Variants in LYST observed in about 807,000 individuals in gnomAD.
LYST encodes the protein lysosomal trafficking regulator.
LYST carries 192 observed loss-of-function variants against 413.6 expected under a neutral mutation model. That is an observed-to-expected ratio of 0.46 (90% CI 0.41 to 0.52). The LOEUF (loss-of-function observed/expected upper bound fraction) is 0.52. LYST is among the 20% of genes least tolerant of loss of function. The pLI is 0.00. For synonymous variants in LYST, 1,525 were observed against 1,567.3 expected, an observed-to-expected ratio of 0.97 and a Z score of 0.64; for missense variants, 3,815 against 4,499.9, an observed-to-expected ratio of 0.85 and a Z score of 4.35.
rs775018930 is a variant in LYST at position 235,762,843 on chromosome 1, T to A, written c.6130A>T (p.Ile2044Phe). The change falls in exon 22 of 53, where the codon ATC becomes TTC. Residue 2044 changes from isoleucine to phenylalanine, a missense_variant. Physicochemically the swap from Ile to Phe is conservative, Grantham distance 21 (BLOSUM62 0). This residue lies in a region of LYST where 530 missense variants were observed against 696.5 expected (regional missense o/e 0.76). Transcript: ENST00000389793. Reference sequence around the variant, plus strand: ...ATTGACCGCACTTTCTCCTGAAAGATCTTGCCATCTAGAATCCAAATTTTT... The same window carrying A: ...ATTGACCGCACTTTCTCCTGAAAGAACTTGCCATCTAGAATCCAAATTTTT... ...FYFSLHIDGK[I>F]FQEKVRSIMY... The A allele has an allele frequency of 1.2e-6, 2 of 1,613,396 alleles. No homozygotes were observed. The highest frequency in any genetic ancestry group is 1.7e-6 in the Non-Finnish European group (2 of 1,179,568).
chr1:235,809,997 G>A lies in LYST; in HGVS notation c.821C>T (p.Thr274Ile). Residue 274 changes from threonine to isoleucine, a missense_variant, in exon 5 of 53, where the codon ACC becomes ATC. This residue lies in a region of LYST where 1,648 missense variants were observed against 1,810.3 expected (regional missense o/e 0.91). Coordinates refer to ENST00000389793, the MANE Select transcript of LYST (RefSeq NM_000081.4). This position sits in a 1 kb window ranked among gnomAD's most constrained non-coding sequence, Gnocchi z 4.0. Reference sequence around the variant, plus strand: ...TGCTAAAGGAGAATTATGATTCAAGGTAACGTCAAACTTACAAACTTTTTC... The same window carrying A: ...TGCTAAAGGAGAATTATGATTCAAGATAACGTCAAACTTACAAACTTTTTC... ...LLEKVCKFDV[T>I]LNHNSPLAAS... 6.2e-7 allele frequency: 1 copy of A among 1,613,824 alleles called. No individual in the cohort carries two copies. Among genetic ancestry groups the A allele is most frequent in the East Asian group, 2.2e-5 (1 of 44,826 alleles).
intron 31 of LYST, among the ~76,000 whole-genome samples, chr1:235,739,240 G>A (rs1665114191): frequency 6.6e-6 from 1 of 152,194 alleles, no homozygotes; most frequent in South Asian, 2.1e-4. Flanking sequence ...TACTAATCTT[G>A]TGTAGTCCTA....
chr1:235,720,992 A>G (rs1379958807), intron 39 of LYST, 87 bp from the exon 40 acceptor site: 2 of 1,341,968 alleles, frequency 1.5e-6, no homozygotes, highest in Non-Finnish European at 2.1e-6. Context: ...CATTATAGAC[A>G]TGTTACAAAT....
chr1:235,758,332 G>A (rs989692354), intron 23 of LYST, among the ~76,000 whole-genome samples: 6 of 152,152 alleles, frequency 3.9e-5, no homozygotes, highest in African/African-American at 7.2e-5. Context: ...GAAATACAAC[G>A]CCTAGGCAAT....
chr1:235,724,100 T>C lies in LYST; in HGVS notation c.9243A>G (p.Gln3081=). The part of the protein sequence containing the change: ...EIKEVHKRWW[Q]LRDNAVEIFL... ...AGATTTCTACAGCATTATCTCTCAA[T>C]TGCCACCAACGCTTGTGAACTTCTT... The change falls in exon 39 of 53, where the codon CAA becomes CAG. Residue 3081 remains glutamine, a synonymous_variant. Transcript: ENST00000389793. 6.2e-7 allele frequency: 1 copy of C among 1,613,430 alleles called. No individual in the cohort carries two copies. The highest frequency in any genetic ancestry group is 8.5e-7 in the Non-Finnish European group (1 of 1,179,396).
At chr1:235,882,533 C>T (rs1173528871) in intron 1 of LYST, among the ~76,000 whole-genome samples, 4 of 152,166 alleles carry the variant, frequency 2.6e-5, no homozygotes, top group African/African-American at 9.6e-5. Flanking sequence ...GAGGCAGAGA[C>T]AATGGTGAGG....
chr1:235,746,299 A>C, intron 29 of LYST, 37 bp downstream of exon 29: 1 of 1,579,814 alleles, frequency 6.3e-7, no homozygotes, highest in Non-Finnish European at 8.7e-7. Context: ...TTTCATTTTA[A>C]AATCTGAGGA....
At chr1:235,764,111 AC>A (rs1318089826) in intron 21 of LYST, among the ~76,000 whole-genome samples, 1 of 152,094 alleles carries the variant, frequency 6.6e-6, no homozygotes, top group African/African-American at 2.4e-5. Flanking sequence ...TGTTTCCTTT[AC>A]CTGGAAGGCC....
chr1:235,730,217 TAAC>T (rs1476901346), intron 36 of LYST, among the ~76,000 whole-genome samples: 3 of 152,110 alleles, frequency 2.0e-5, no homozygotes, highest in Non-Finnish European at 2.9e-5. Flanking sequence ...ATGGGTATAA[TAAC>T]AACCACAATA....
intron 43 of LYST, among the ~76,000 whole-genome samples, chr1:235,710,772 G>C (rs1319651009): frequency 6.6e-6 from 1 of 152,218 alleles, no homozygotes; most frequent in African/African-American, 2.4e-5. Context: ...CTAAGAACAG[G>C]CTGGAAAAGG....
At chr1:235,789,803 A>G (rs1218969249) in intron 12 of LYST, among the ~76,000 whole-genome samples, 1 of 152,208 alleles carries the variant, frequency 6.6e-6, no homozygotes, top group Non-Finnish European at 1.5e-5. Flanking sequence ...AAAATGTTCC[A>G]TACCAAATAT....
chr1:235,762,962 G>T, intron 21 of LYST, 111 bp from the exon 22 acceptor site: 1 of 806,738 alleles, frequency 1.2e-6, no homozygotes, highest in South Asian at 1.5e-5. Context: ...GATGTTTAAA[G>T]AGAAAAATAT....
chr1:235,871,546 G>C (rs1371632712), upstream of LYST, among the ~76,000 whole-genome samples: 1 of 152,176 alleles, frequency 6.6e-6, no homozygotes, highest in Non-Finnish European at 1.5e-5. Context: ...ATTAATTCTT[G>C]CTGAAATCAA....
rs768598173 is a variant in LYST at position 235,805,843 on chromosome 1, G to C, written c.3293C>G (p.Thr1098Ser). 2 of 1,613,132 alleles carry C rather than the reference G, an allele frequency of 1.2e-6. No homozygotes were observed. The highest frequency in any genetic ancestry group is 3.3e-5 in the Admixed American group (2 of 59,946). ...CAAAAGTCGTATACTTTGAAGTGAG[G>C]TCTCACTTTCTTGACTTGTAAATAG... ...AKLFTSQESE[T>S]SLQSIRLLEA... The change falls in exon 6 of 53, where the codon ACC becomes AGC. Residue 1098 changes from threonine (T) to serine (S), a missense_variant. Transcript: ENST00000389793.
intron 22 of LYST, among the ~76,000 whole-genome samples, chr1:235,762,339 G>T (rs539021858): frequency 6.6e-6 from 1 of 152,296 alleles, no homozygotes; most frequent in South Asian, 2.1e-4. Flanking sequence ...ACAAAGTAGA[G>T]AAAAGGTACC....
intron 1 of LYST, among the ~76,000 whole-genome samples, chr1:235,857,784 C>CATATATAT (rs71583794): frequency 8.3e-4 from 101 of 122,130 alleles, no homozygotes; most frequent in African/African-American, 3.2e-3. Context: ...CACACACACA[C>CATATATAT]ATATATATAT....
chr1:235,762,250 G>C (rs1455234610), intron 22 of LYST, among the ~76,000 whole-genome samples: 1 of 152,142 alleles, frequency 6.6e-6, no homozygotes, highest in Non-Finnish European at 1.5e-5. Context: ...GAACAAAGCG[G>C]GATATTGTAG....
At chr1:235,738,306 G>A in intron 31 of LYST, 3 of 1,611,808 alleles carry the variant, frequency 1.9e-6, no homozygotes, top group Non-Finnish European at 2.5e-6. Context: ...TCGCAAGAGG[G>A]AGAAAGCCAT....
chr1:235,819,698 T>C (rs549817332), intron 3 of LYST, among the ~76,000 whole-genome samples: 10 of 152,220 alleles, frequency 6.6e-5, no homozygotes, highest in African/African-American at 1.9e-4. Context: ...CCAGCTGGAG[T>C]GCAGTGGCGT....
Sources: gnomAD v4.1 joint callset for allele counts (sites outside exome capture counted in the v4.1 genomes callset) on GRCh38, gnomAD v4.1.1 for gene constraint, gnomAD v4.1.1 regional missense constraint, Gnocchi (gnomAD v3.1) non-coding constraint, MANE v1.5 for transcripts, NCBI Gene and HGNC (gene_info 2026-07-23, HGNC 2026-07-21) for gene names.